The following ABRAXAS1 variants were observed in gnomAD, a reference collection of about 807,000 sequenced individuals.
ABRAXAS1 encodes the protein BRCA1-A complex subunit Abraxas 1.
In ABRAXAS1, 26 loss-of-function variants were observed where a neutral mutation model predicts 38.4. That is an observed-to-expected ratio of 0.68 (90% CI 0.50 to 0.94). ABRAXAS1 has a LOEUF of 0.94. Among genes scored for constraint, ABRAXAS1 ranks in the 40% least tolerant of loss-of-function variants. ABRAXAS1 has a pLI of 0.00. For missense variants in ABRAXAS1, 438 were observed against 481.9 expected, an observed-to-expected ratio of 0.91 and a Z score of 0.85; for synonymous variants, 144 against 165.5, an observed-to-expected ratio of 0.87 and a Z score of 1.00.
intron 4 of ABRAXAS1, among the ~76,000 whole-genome samples, chr4:83,470,873 T>G (rs1156481887): frequency 6.6e-6 from 1 of 152,212 alleles, no homozygotes; most frequent in East Asian, 1.9e-4. Flanking sequence ...CCCGACAAAC[T>G]TGGCTTCAAG....
chr4:83,459,936 T>A lies in ABRAXAS1; in HGVS notation c.*2533A>T. 1.5e-6 allele frequency: 1 copy of A among 649,234 alleles called. No homozygotes were observed. The highest frequency in any genetic ancestry group is 2.5e-6 in the Non-Finnish European group (1 of 393,830). The allele number at this position is 649,234 out of a possible 1,614,324, so 40.2% of individuals were successfully genotyped here. ...AGATACTACAGGGACTAGAGCTAGT[T>A]ACTATGAAAAAGTCTCTTAGGCCAA... On this transcript the variant is annotated 3_prime_UTR_variant, in exon 9 of 9. Transcript: ENST00000321945.
chr4:83,482,132 A>G, intron 2 of ABRAXAS1, 22 bp downstream of exon 2: 1 of 1,419,942 alleles, frequency 7.0e-7, no homozygotes, highest in Non-Finnish European at 9.9e-7. Context: ...TGATTCAAAT[A>G]TAGGAGAAAT....
intron 1 of ABRAXAS1, among the ~76,000 whole-genome samples, chr4:83,482,929 G>A (rs1347716513): frequency 2.0e-5 from 3 of 152,162 alleles, no homozygotes; most frequent in East Asian, 1.9e-4. Context: ...AATGAGCAGA[G>A]CACTTTGCCT....
At chr4:83,470,431 T>C (rs1045946337) in intron 4 of ABRAXAS1, 35 bp from the exon 5 acceptor site, 2 of 1,461,728 alleles carry the variant, frequency 1.4e-6, no homozygotes, top group Non-Finnish European at 1.9e-6. Context: ...TACATCTTAA[T>C]AGTTACAATG....
chr4:83,465,812 G>T (rs984759028), intron 7 of ABRAXAS1, among the ~76,000 whole-genome samples: 1 of 152,110 alleles, frequency 6.6e-6, no homozygotes, highest in African/African-American at 2.4e-5. Flanking sequence ...GTGAGATTCT[G>T]GATGTTTTTA....
At chr4:83,479,970 AAAAAC>A (rs1156614508) in intron 2 of ABRAXAS1, 8 of 156,994 alleles carry the variant, frequency 5.1e-5, no homozygotes, top group African/African-American at 1.9e-4. Flanking sequence ...CAAAAAAAAA[AAAAAC>A]AAAGAGTGAT....
chr4:83,476,239 AT>A (rs377005522), intron 3 of ABRAXAS1, among the ~76,000 whole-genome samples: 97 of 152,300 alleles, frequency 6.4e-4, no homozygotes, highest in African/African-American at 2.3e-3. Flanking sequence ...CAGACAAAAA[AT>A]AACACTAAAA....
intron 6 of ABRAXAS1, among the ~76,000 whole-genome samples, chr4:83,467,993 CAG>C (rs1722434982): frequency 6.6e-6 from 1 of 152,058 alleles, no homozygotes; most frequent in African/African-American, 2.4e-5. Flanking sequence ...ATCCCAATGT[CAG>C]AGATAAATAT....
intron 4 of ABRAXAS1, among the ~76,000 whole-genome samples, chr4:83,470,907 T>G (rs1025562391): frequency 1.3e-5 from 2 of 152,212 alleles, no homozygotes; most frequent in African/African-American, 4.8e-5. Flanking sequence ...TAAAGGATTT[T>G]GTAAACTACA....
chr4:83,482,303 T>A, intron 1 of ABRAXAS1, 59 bp from the exon 2 acceptor site: 1 of 1,061,198 alleles, frequency 9.4e-7, no homozygotes, highest in Non-Finnish European at 1.4e-6. Context: ...TTCACTTAAC[T>A]AACCGTATTT....
intron 1 of ABRAXAS1, 92 bp from the exon 2 acceptor site, chr4:83,482,336 C>CA (rs1413550005): frequency 1.5e-6 from 1 of 685,198 alleles, no homozygotes; most frequent in African/African-American, 3.3e-5. Flanking sequence ...ACTATGTATA[C>CA]AATATGTGCT....
intron 5 of ABRAXAS1, 111 bp downstream of exon 5, chr4:83,470,092 G>T: frequency 1.4e-6 from 1 of 739,298 alleles, no homozygotes; most frequent in Admixed American, 3.4e-5. Flanking sequence ...AGGTTATCGT[G>T]ACAATCTGAT....
At chr4:83,480,382 C>CA in intron 2 of ABRAXAS1, 1 of 428,226 alleles carries the variant, frequency 2.3e-6, no homozygotes, top group East Asian at 8.5e-5. Flanking sequence ...AAAACAAAAA[C>CA]AAAATGTATA....
intron 6 of ABRAXAS1, among the ~76,000 whole-genome samples, chr4:83,468,311 G>GA (rs56262938): frequency 0.071 from 8,834 of 123,716 alleles, 391 homozygotes; most frequent in South Asian, 0.13. Context: ...GTCTTTAAAA[G>GA]AAAAAAAAAA....
chr4:83,471,209 T>A (rs1432142967), intron 4 of ABRAXAS1, among the ~76,000 whole-genome samples: 1 of 124,522 alleles, frequency 8.0e-6, no homozygotes, highest in African/African-American at 3.3e-5. Context: ...TTTTTTTTTT[T>A]TTTTTTTTTT....
rs557777731 is a variant in ABRAXAS1, at chr4:83,482,626, G to A, written c.88-382C>T. On this transcript the variant is annotated intron_variant, in intron 1 of 8. Transcript: ENST00000321945. ...ACTTGGGATGACGTGAACCCAGGAG[G>A]TTGAGGCTGCAGTGAGCTATGATCA... 5.3e-5 allele frequency among the ~76,000 whole-genome samples: 8 copies of A among 152,308 alleles called. No individual in the cohort carries two copies. The South Asian group carries it at 1.4e-3, about 28-fold the overall frequency.
chr4:83,459,736 A>G lies in ABRAXAS1; in HGVS notation c.*2733T>C. 1.2e-6 allele frequency: 2 copies of G among 1,608,832 alleles called. No homozygotes were observed. Among genetic ancestry groups the G allele is most frequent in the Non-Finnish European group, 1.7e-6 (2 of 1,177,606 alleles). ...TTTCCCCTCCACATAAAACTCCAAA[A>G]CAGCTTTTGTCCCAGTTTGTTTCTC... On this transcript the variant is annotated 3_prime_UTR_variant, in exon 9 of 9. Coordinates refer to ENST00000321945, the MANE Select transcript of ABRAXAS1 (RefSeq NM_139076.3).
intron 3 of ABRAXAS1, among the ~76,000 whole-genome samples, chr4:83,473,846 T>A (rs1722671887): frequency 6.6e-6 from 1 of 151,382 alleles, no homozygotes; most frequent in Admixed American, 6.6e-5. Flanking sequence ...ACTTTAAGTT[T>A]CAGAAGCCGG....
rs1027841598 is a variant in ABRAXAS1 at position 83,485,068 on chromosome 4, T to A, written c.5A>T (p.Glu2Val). The A allele has an allele frequency of 7.6e-6, 12 of 1,587,102 alleles. No homozygotes were observed. The highest frequency in any genetic ancestry group is 1.1e-5 in the South Asian group (1 of 88,350). ...GAGCACCGCCGACGTACTCTCCCCCTCCATGCTACCGCCGCCTCAGGCTAC... is the reference window on the plus strand; with the variant it reads ...GAGCACCGCCGACGTACTCTCCCCCACCATGCTACCGCCGCCTCAGGCTAC... MEGESTSAVLSG... is the reference protein window; with the variant it reads MVGESTSAVLSG... Residue 2 changes from glutamate (E) to valine (V), a missense_variant, in exon 1 of 9, where the codon GAG (glutamate) becomes GTG (valine). Around this residue, in one of 3 missense-constraint regions of ABRAXAS1, gnomAD observed 60 missense variants for 31.1 expected, o/e 1.93. Coordinates refer to ENST00000321945, the MANE Select transcript of ABRAXAS1 (RefSeq NM_139076.3).
Sources: gnomAD v4.1 joint callset for allele counts (sites outside exome capture counted in the v4.1 genomes callset) on GRCh38, gnomAD v4.1.1 for gene constraint, gnomAD v4.1.1 regional missense constraint, MANE v1.5 for transcripts, NCBI Gene and HGNC (gene_info 2026-07-23, HGNC 2026-07-21) for gene names.